The following LPP variants were observed in gnomAD, a reference collection of about 807,000 sequenced individuals.
The protein encoded by LPP is LIM domain containing preferred translocation partner in lipoma, also known as lipoma-preferred partner.
A neutral mutation model predicts 60.4 loss-of-function variants in LPP; 38 were observed. The ratio of observed to expected loss-of-function variants is 0.63; its 90% confidence interval spans 0.49 to 0.83. The LOEUF is 0.83. Ranked by LOEUF, LPP falls within the 40% of genes least tolerant of loss-of-function variation. LPP has a pLI of 0.00. For missense variants in LPP, 902 were observed against 783.6 expected, an observed-to-expected ratio of 1.15 and a Z score of -1.80; for synonymous variants, 328 against 290.8, an observed-to-expected ratio of 1.13 and a Z score of -1.30.
intron 3 of LPP, among the ~76,000 whole-genome samples, chr3:188,355,627 A>G (rs766518782): frequency 5.3e-5 from 8 of 152,200 alleles, no homozygotes; most frequent in Non-Finnish European, 1.0e-4. Context: ...TAATATATAG[A>G]GTGCATATAT....
intron 9 of LPP, among the ~76,000 whole-genome samples, chr3:188,792,635 C>T (rs1744138505): frequency 6.6e-6 from 1 of 152,050 alleles, no homozygotes; most frequent in Non-Finnish European, 1.5e-5. Flanking sequence ...TAGGTGTAAA[C>T]AAACCTGGTT....
rs1175926650 is a variant in LPP, at chr3:188,725,900, G to A, written c.1240+17507G>A. On this transcript the variant is annotated intron_variant, in intron 8 of 11. Transcript: ENST00000617246. ...TTTCAGGTAAGCCATGAATTCAAGG[G>A]CATTTCAGACAAACAATTCAATAGG... 2.6e-5 allele frequency among the ~76,000 whole-genome samples: 4 copies of A among 152,186 alleles called. No homozygotes were observed. In the East Asian group the frequency reaches 7.7e-4, roughly 29 times the overall value.
chr3:188,513,423 G>A (rs763288528), intron 5 of LPP, among the ~76,000 whole-genome samples: 11 of 152,146 alleles, frequency 7.2e-5, no homozygotes, highest in African/African-American at 1.4e-4. Flanking sequence ...ATGGGTTTCC[G>A]TGTCTGATTT....
At chr3:188,514,954 G>T (rs561429959) in intron 5 of LPP, among the ~76,000 whole-genome samples, 1 of 152,166 alleles carries the variant, frequency 6.6e-6, no homozygotes, top group Admixed American at 6.5e-5. Flanking sequence ...TTCCTTTAAA[G>T]GAGATTTGGG....
chr3:188,363,036 AT>A (rs5855190), intron 3 of LPP, among the ~76,000 whole-genome samples: 138,722 of 148,976 alleles, frequency 0.93, 65,247 homozygotes, highest in Non-Finnish European at 0.99. Context: ...TATTTTATTT[AT>A]TTTTTTTTTT....
intron 9 of LPP, among the ~76,000 whole-genome samples, chr3:188,834,324 GTTTTTTT>G (rs71867135): frequency 2.9e-5 from 1 of 34,076 alleles, no homozygotes; most frequent in African/African-American, 1.4e-4. Context: ...CTTTTTGGGT[GTTTTTTT>G]TTTTTTTTTT....
intron 2 of LPP, among the ~76,000 whole-genome samples, chr3:188,263,566 C>G (rs1403729721): frequency 6.6e-6 from 1 of 152,190 alleles, no homozygotes; most frequent in Admixed American, 6.5e-5. Context: ...CAGCACCAAG[C>G]AACACTTTCC....
chr3:188,866,147 A>C (rs1416361924), intron 9 of LPP, 53 bp from the exon 10 acceptor site: 9 of 1,352,432 alleles, frequency 6.7e-6, no homozygotes, highest in Admixed American at 2.8e-5. Flanking sequence ...CCTGTCATGC[A>C]GTATGGACCC....
chr3:188,322,571 T>G (rs1362403308), intron 2 of LPP, among the ~76,000 whole-genome samples: 2 of 152,210 alleles, frequency 1.3e-5, no homozygotes, highest in Non-Finnish European at 2.9e-5. Flanking sequence ...TAAAAAGGCC[T>G]TTTGGTTATA....
intron 7 of LPP, among the ~76,000 whole-genome samples, chr3:188,648,277 C>G (rs1851463849): frequency 6.6e-6 from 1 of 152,120 alleles, no homozygotes; most frequent in African/African-American, 2.4e-5. Flanking sequence ...GAATTCTTTT[C>G]ACCACTAGCA....
At chr3:188,586,422 C>T (rs560508344) in intron 6 of LPP, among the ~76,000 whole-genome samples, 2 of 152,134 alleles carry the variant, frequency 1.3e-5, no homozygotes, top group African/African-American at 2.4e-5. Flanking sequence ...ACTAAATAGG[C>T]CTCATTAGTC....
chr3:188,184,002 T>A (rs961025531), intron 1 of LPP, among the ~76,000 whole-genome samples: 4 of 152,044 alleles, frequency 2.6e-5, no homozygotes, highest in Non-Finnish European at 5.9e-5. Context: ...TATCAATTGG[T>A]ATAAGATTTC....
At chr3:188,497,761 C>T (rs752020066) in intron 5 of LPP, among the ~76,000 whole-genome samples, 6 of 152,146 alleles carry the variant, frequency 3.9e-5, no homozygotes, top group Non-Finnish European at 8.8e-5. Flanking sequence ...CATTTTATAT[C>T]AAGCCATTTT....
Position 188,484,619 on chromosome 3 carries a change from C to T in LPP, c.221C>T (p.Pro74Leu), listed in dbSNP as rs912807903. The T allele has an allele frequency of 1.9e-6, 3 of 1,613,786 alleles. No individual in the cohort carries two copies. The highest frequency in any genetic ancestry group is 1.3e-5 in the African/African-American group (1 of 74,914). The stretch of plus-strand genomic sequence containing the variant: ...GATTTTCTTCCACCCCCACCTCCAC[C>T]TCTAGATGATTCCAGTGCCCTTCCA... ...EGDFLPPPPP[P>L]LDDSSALPSI... Residue 74 changes from proline (P) to leucine (L), a missense_variant, in exon 5 of 12, where the codon CCT (proline) becomes CTT (leucine). Pro to Leu is a moderately conservative substitution (Grantham distance 98, BLOSUM62 -3). Transcript: ENST00000617246.
chr3:188,187,520 T>A (rs979957901), intron 1 of LPP, among the ~76,000 whole-genome samples: 3 of 152,132 alleles, frequency 2.0e-5, no homozygotes, highest in African/African-American at 7.2e-5. Flanking sequence ...TTTGTTTTTG[T>A]TGAGAGAAAA....
rs1716261172 is a variant in LPP, at chr3:188,222,735, A to G, written c.-189-2670A>G. 2.0e-5 allele frequency among the ~76,000 whole-genome samples: 3 copies of G among 152,122 alleles called. No individual in the cohort carries two copies. In the South Asian group the frequency reaches 6.2e-4, roughly 32 times the overall value. ...TTGATGTCACATAACTTGTTTAATG[A>G]ATCTAGATTAGTGTCTTGACTTTTC... On this transcript the variant is annotated intron_variant, in intron 1 of 11. Transcript: ENST00000617246.
Position 188,543,151 on chromosome 3 carries a change from G to A in LPP, c.429+18364G>A, listed in dbSNP as rs192457712. Among the ~76,000 whole-genome samples the A allele has an allele frequency of 3.9e-5, 6 of 152,226 alleles. No homozygotes were observed. In the East Asian group the frequency reaches 5.8e-4, roughly 15 times the overall value. ...GGCTTACGTTTCTGTTAGTATGATC[G>A]GAAATAGAAGAGGCCATGTCCTGCC... is the stretch of plus-strand genomic sequence containing the variant. On this transcript the variant is annotated intron_variant, in intron 6 of 11. Coordinates refer to ENST00000617246, the MANE Select transcript of LPP (RefSeq NM_001375462.1).
intron 8 of LPP, among the ~76,000 whole-genome samples, chr3:188,732,547 G>A (rs763330239): frequency 5.9e-5 from 9 of 151,898 alleles, no homozygotes; most frequent in Non-Finnish European, 8.8e-5. Context: ...GTGAAACCCC[G>A]TCTCTACTAA....
chr3:188,690,062 T>A (rs1293724509), intron 7 of LPP, among the ~76,000 whole-genome samples: 1 of 152,196 alleles, frequency 6.6e-6, no homozygotes, highest in African/African-American at 2.4e-5. Flanking sequence ...AATATTTACA[T>A]GTGACAAACT....
Sources: allele counts gnomAD v4.1 joint callset (sites outside exome capture counted in the v4.1 genomes callset), GRCh38; gene constraint gnomAD v4.1.1; transcripts MANE v1.5; gene names NCBI Gene and HGNC (gene_info 2026-07-23, HGNC 2026-07-21).